Variants in AP2A2 observed in about 807,000 individuals in gnomAD.
AP2A2 encodes the protein adaptor related protein complex 2 subunit alpha 2, also known as AP-2 complex subunit alpha-2.
In AP2A2, 32 loss-of-function variants were observed where a neutral mutation model predicts 104.2. The observed-to-expected ratio is 0.31, with a 90% CI of 0.23 to 0.41. The LOEUF is 0.41. Among genes scored for constraint, AP2A2 ranks in the 10% least tolerant of loss-of-function variants. AP2A2 has a pLI of 1.00. For synonymous variants in AP2A2, 539 were observed against 533.3 expected (o/e 1.01, Z -0.15); for missense variants, 912 against 1,261.0 (o/e 0.72, Z 4.19).
At chr11:934,211 T>C (rs1195208940) in intron 1 of AP2A2, among the ~76,000 whole-genome samples, 1 of 152,176 alleles carries the variant, frequency 6.6e-6, no homozygotes, top group Non-Finnish European at 1.5e-5. Context: ...GGTGCGTTCT[T>C]AGGAATAACA....
At chr11:933,289 C>T (rs532076012) in intron 1 of AP2A2, among the ~76,000 whole-genome samples, 1 of 152,200 alleles carries the variant, frequency 6.6e-6, no homozygotes, top group Admixed American at 6.5e-5. Flanking sequence ...AACAAAAAAC[C>T]CCAGAAATGA....
At chr11:935,163 C>T (rs1173252307) in intron 1 of AP2A2, among the ~76,000 whole-genome samples, 1 of 151,644 alleles carries the variant, frequency 6.6e-6, no homozygotes, top group Non-Finnish European at 1.5e-5. Context: ...AAGTGATTCT[C>T]CTGCCTCAGC....
intron 10 of AP2A2, among the ~76,000 whole-genome samples, chr11:990,235 G>T (rs1454361295): frequency 1.3e-5 from 2 of 152,226 alleles, no homozygotes; most frequent in Non-Finnish European, 2.9e-5. Context: ...GGGGGACAGG[G>T]ACGGGGTGGG....
At chr11:950,781 C>T (rs1480328088) in intron 1 of AP2A2, among the ~76,000 whole-genome samples, 2 of 152,062 alleles carry the variant, frequency 1.3e-5, no homozygotes, top group East Asian at 1.9e-4. Flanking sequence ...ATGAAGACAA[C>T]TAAATTAAAA....
At chr11:1,008,361 C>A in intron 18 of AP2A2, 1 of 583,522 alleles carries the variant, frequency 1.7e-6, no homozygotes, top group Non-Finnish European at 2.8e-6. Flanking sequence ...GCAGCTCCCA[C>A]ATGGGGCCTT....
intron 1 of AP2A2, among the ~76,000 whole-genome samples, chr11:927,816 CAAAAAAAAAAA>C (rs35472837): frequency 1.5e-5 from 1 of 68,830 alleles, no homozygotes; most frequent in African/African-American, 6.2e-5. Context: ...ACCTTTCTCA[CAAAAAAAAAAA>C]AAAAAAAAAA....
Position 1,009,140 on chromosome 11 carries a change from A to G in AP2A2, c.2461A>G (p.Ile821Val), listed in dbSNP as rs373020241. Residue 821 changes from isoleucine to valine, a missense_variant, in exon 19 of 22, where the codon ATC becomes GTC. By Grantham distance (29) the Ile-to-Val change is conservative. Around this residue, in one of 7 missense-constraint regions of AP2A2, gnomAD observed 239 missense variants for 329.8 expected, o/e 0.72. Transcript: ENST00000448903. ...CCAGAACGTGTCTGTGCAGCTGCCC[A>G]TCACTCTCAACAAATTCTTCCAGCC... ...TFQNVSVQLPITLNKFFQPTE... is the reference protein window; with the variant it reads ...TFQNVSVQLPVTLNKFFQPTE... 116 of 1,613,386 alleles carry G rather than the reference A, an allele frequency of 7.2e-5. No individual in the cohort carries two copies. The highest frequency in any genetic ancestry group is 8.6e-5 in the Non-Finnish European group (101 of 1,179,888).
At chr11:964,586 G>GC (rs1854548026) in intron 2 of AP2A2, among the ~76,000 whole-genome samples, 1 of 152,160 alleles carries the variant, frequency 6.6e-6, no homozygotes, top group South Asian at 2.1e-4. Flanking sequence ...AGTCGGTTTG[G>GC]CCAGAGCATG....
At position 968,008 on chromosome 11, in the gene AP2A2, C is replaced by T. The variant is rs1395564455; in HGVS notation, c.137-2161C>T. 6.6e-6 allele frequency among the ~76,000 whole-genome samples: 1 copy of T among 152,188 alleles called. No homozygotes were observed. Among genetic ancestry groups the T allele is most frequent in the East Asian group, 1.9e-4 (1 of 5,200 alleles). ...GTCCTTTCAGGAGGGATAAACTTCA[C>T]AGTGGCACCTGCCAGGGGAGCTGGC... On this transcript the variant is annotated intron_variant, in intron 2 of 21. Coordinates refer to ENST00000448903, the MANE Select transcript of AP2A2 (RefSeq NM_012305.4). This position sits in a 1 kb window ranked among gnomAD's most constrained non-coding sequence, Gnocchi z 4.2.
At chr11:927,419 C>T (rs554426313) in intron 1 of AP2A2, among the ~76,000 whole-genome samples, 1 of 151,864 alleles carries the variant, frequency 6.6e-6, no homozygotes, top group East Asian at 1.9e-4. Context: ...GAATTCTCAT[C>T]TCCTTAGACG....
At chr11:934,282 A>T (rs1275270540) in intron 1 of AP2A2, among the ~76,000 whole-genome samples, 1 of 151,912 alleles carries the variant, frequency 6.6e-6, no homozygotes, top group African/African-American at 2.4e-5. Flanking sequence ...CCACTTTTAA[A>T]TTTTTTATAT....
rs1854041387 is a variant in AP2A2 at position 951,211 on chromosome 11, T to C, written c.68-8226T>C. Among the ~76,000 whole-genome samples, 3 of 152,060 alleles carry C rather than the reference T, an allele frequency of 2.0e-5. No homozygotes were observed. In the South Asian group the frequency reaches 6.2e-4, roughly 32 times the overall value. On this transcript the variant is annotated intron_variant, in intron 1 of 21. Coordinates refer to ENST00000448903, the MANE Select transcript of AP2A2 (RefSeq NM_012305.4). ...GCATATCAAAATCACAATGAGATACTGCATCACACTTACCCAGATGGCTGT... is the reference window on the plus strand; with the variant it reads ...GCATATCAAAATCACAATGAGATACCGCATCACACTTACCCAGATGGCTGT...
chr11:942,703 G>A (rs1012681446), intron 1 of AP2A2, among the ~76,000 whole-genome samples: 1 of 152,090 alleles, frequency 6.6e-6, no homozygotes, highest in Non-Finnish European at 1.5e-5. Context: ...TTAGATTCTG[G>A]GGGTAAATGT....
At chr11:997,864 C>T (rs977872551) in intron 14 of AP2A2, among the ~76,000 whole-genome samples, 1 of 152,186 alleles carries the variant, frequency 6.6e-6, no homozygotes, top group African/African-American at 2.4e-5. Context: ...GAGATTGCAC[C>T]ACTGCACTCC....
rs375976257 is a variant in AP2A2, at chr11:994,184, G to A, written c.1895G>A (p.Arg632Gln). ...GTGACAGACCTGGAGGACACCAAGC[G>A]GGACAGGAGTGTGGACGTGAACGGG... ...STVTDLEDTK[R>Q]DRSVDVNGGP... The change falls in exon 14 of 22, where the codon CGG becomes CAG. Residue 632 changes from arginine (R) to glutamine (Q), a missense_variant. This residue lies in a region of AP2A2 where 105 missense variants were observed against 90.9 expected (regional missense o/e 1.16). Coordinates refer to ENST00000448903, the MANE Select transcript of AP2A2 (RefSeq NM_012305.4). 6.6e-5 allele frequency: 107 copies of A among 1,612,926 alleles called. No homozygotes were observed. The highest frequency in any genetic ancestry group is 7.9e-5 in the Non-Finnish European group (93 of 1,179,874).
intron 14 of AP2A2, 26 bp downstream of exon 14, chr11:994,271 C>T: frequency 6.2e-7 from 1 of 1,609,676 alleles, no homozygotes; most frequent in East Asian, 2.2e-5. Flanking sequence ...ACTGTGCACC[C>T]AGACCTGTCA....
At position 992,797 on chromosome 11, in the gene AP2A2, T is replaced by A; in HGVS notation, c.1452+112T>A. ...GGTGCCGAGGGCCGTTGCTGACCCCTCTTGCCCCTCAGCTCTTCCCTGAGG... is the reference window on the plus strand; with the variant it reads ...GGTGCCGAGGGCCGTTGCTGACCCCACTTGCCCCTCAGCTCTTCCCTGAGG... On this transcript the variant is annotated intron_variant, in intron 11 of 21. Transcript: ENST00000448903. This position sits in a 1 kb window ranked among gnomAD's most constrained non-coding sequence, Gnocchi z 6.4. The A allele has an allele frequency of 8.7e-7, 1 of 1,145,138 alleles. No individual in the cohort carries two copies. The highest frequency in any genetic ancestry group is 1.3e-6 in the Non-Finnish European group (1 of 786,578). The allele number at this position is 1,145,138 out of a possible 1,614,324, so 70.9% of individuals were successfully genotyped here. A position where few individuals can be genotyped will look rare whatever the true frequency, so the allele number is the denominator to read the frequency against.
At chr11:942,506 A>G (rs1382826759) in intron 1 of AP2A2, 2 of 152,216 alleles carry the variant, frequency 1.3e-5, no homozygotes, top group East Asian at 3.8e-4. Context: ...CTTGCTGGTA[A>G]TAGAATATAG....
intron 1 of AP2A2, chr11:946,359 C>G (rs746286764): frequency 1.3e-5 from 2 of 152,218 alleles, no homozygotes; most frequent in Admixed American, 1.3e-4. Context: ...ATGTCACTCT[C>G]GGACCTGTCC....
Sources: gnomAD v4.1 joint callset for allele counts (sites outside exome capture counted in the v4.1 genomes callset) on GRCh38, gnomAD v4.1.1 for gene constraint, gnomAD v4.1.1 regional missense constraint, Gnocchi (gnomAD v3.1) non-coding constraint, MANE v1.5 for transcripts, NCBI Gene and HGNC (gene_info 2026-07-23, HGNC 2026-07-21) for gene names.